The following GVQW3 variants were observed in gnomAD, a reference collection of about 807,000 sequenced individuals.
The protein encoded by GVQW3 is protein GVQW3.
Under a neutral mutation model 12.5 loss-of-function variants are expected in GVQW3, and 7 were observed. The observed-to-expected ratio is 0.56, with a 90% CI of 0.32 to 1.05. GVQW3 has a LOEUF of 1.05. Among genes scored for constraint, GVQW3 ranks in the 50% least tolerant of loss-of-function variants. GVQW3 has a pLI of 0.04. For missense variants in GVQW3, 188 were observed against 190.8 expected, an observed-to-expected ratio of 0.99 and a Z score of 0.09; for synonymous variants, 71 against 67.2, an observed-to-expected ratio of 1.06 and a Z score of -0.28.
intron 1 of GVQW3, among the ~76,000 whole-genome samples, chr11:76,391,356 A>G (rs1477575944): frequency 6.6e-6 from 1 of 152,226 alleles, no homozygotes; most frequent in Non-Finnish European, 1.5e-5. Context: ...AACAGACTAG[A>G]AGACCGAAAC....
chr11:76,395,602 G>A (rs891059314), intron 1 of GVQW3, among the ~76,000 whole-genome samples: 6 of 151,912 alleles, frequency 3.9e-5, no homozygotes, highest in African/African-American at 9.7e-5. Context: ...CTCTATTCTC[G>A]ATTTCTGTCT....
Position 76,382,142 on chromosome 11 carries a change from G to T in GVQW3, c.314G>T (p.Arg105Met). 1 of 1,536,328 alleles carries T rather than the reference G, an allele frequency of 6.5e-7. No individual in the cohort carries two copies. The highest frequency in any genetic ancestry group is 8.7e-7 in the Non-Finnish European group (1 of 1,146,948). Residue 105 changes from arginine (R) to methionine (M), a missense_variant, in exon 1 of 2, where the codon AGG (arginine) becomes ATG (methionine). Arg to Met is a moderately conservative substitution (Grantham distance 91). Coordinates refer to ENST00000529331, the MANE Select transcript of GVQW3 (RefSeq NM_001347885.2). Reference sequence around the variant, plus strand: ...TTAAATTTAGACAAAGAAACTGTTAGGCTCATTTTGAAAGAAAACTTGAAC... The same window carrying T: ...TTAAATTTAGACAAAGAAACTGTTATGCTCATTTTGAAAGAAAACTTGAAC... ...EELNLDKETV[R>M]LILKENLNMR...
chr11:76,414,079 T>C (rs2134575492), exon 2 of GVQW3: 1 of 152,236 alleles, frequency 6.6e-6, no homozygotes, highest in South Asian at 2.1e-4. Context: ...CAAACTTCTG[T>C]CTCTGCTTTA....
chr11:76,401,736 G>T (rs1179745069), intron 1 of GVQW3, among the ~76,000 whole-genome samples: 1 of 140,160 alleles, frequency 7.1e-6, no homozygotes, highest in African/African-American at 2.7e-5. Context: ...TTGCACCATT[G>T]CACTCCAGCC....
At chr11:76,385,957 C>T (rs1003455101) in intron 1 of GVQW3, among the ~76,000 whole-genome samples, 5 of 152,190 alleles carry the variant, frequency 3.3e-5, no homozygotes, top group Non-Finnish European at 7.3e-5. Flanking sequence ...TGTATTTTCC[C>T]TGGCAGGAGA....
At chr11:76,389,146 C>G (rs1048794791) in intron 1 of GVQW3, among the ~76,000 whole-genome samples, 1 of 152,126 alleles carries the variant, frequency 6.6e-6, no homozygotes, top group Non-Finnish European at 1.5e-5. Flanking sequence ...ATTTATGTTT[C>G]TGAAGAGTAT....
intron 1 of GVQW3, 157 bp downstream of exon 1, chr11:76,382,450 AC>A (rs1946786309): frequency 1.5e-6 from 1 of 678,128 alleles, no homozygotes; most frequent in African/African-American, 1.8e-5. Flanking sequence ...GAATTGGTTC[AC>A]CCCATGGTGA....
In GVQW3 at chr11:76,382,061, T is replaced by C; in HGVS notation, c.233T>C (p.Val78Ala). 1 of 1,536,562 alleles carries C rather than the reference T, an allele frequency of 6.5e-7. No homozygotes were observed. Among genetic ancestry groups the C allele is most frequent in the Non-Finnish European group, 8.7e-7 (1 of 1,147,002 alleles). Reference protein sequence around the residue: ...THRTDDNIQKVKDLVCSNRQL... With the variant: ...THRTDDNIQKAKDLVCSNRQL... The stretch of plus-strand genomic sequence containing the variant: ...CGAACAGATGACAATATCCAGAAGG[T>C]CAAGGACTTGGTTTGTTCAAACAGG... Residue 78 changes from valine (V) to alanine (A), a missense_variant, in exon 1 of 2, where the codon GTC becomes GCC. By Grantham distance (64) the Val-to-Ala change is moderately conservative. Transcript: ENST00000529331.
intron 1 of GVQW3, among the ~76,000 whole-genome samples, chr11:76,398,912 G>T (rs1053139834): frequency 6.6e-6 from 1 of 152,138 alleles, no homozygotes; most frequent in Non-Finnish European, 1.5e-5. Flanking sequence ...TCTGGTTTGA[G>T]ATTTATTTTT....
At position 76,404,438 on chromosome 11, in the gene GVQW3, T is replaced by C. The variant is rs995334112; in HGVS notation, c.*680T>C. ...GCCTTCTCTCCATTGTTAGCCTTGA[T>C]GGACAATTTTTGCTGGAGCAAATAT... On this transcript the variant is annotated 3_prime_UTR_variant, in exon 2 of 2. Transcript: ENST00000529331. 1.9e-5 allele frequency: 3 copies of C among 154,970 alleles called. No individual in the cohort carries two copies. Among genetic ancestry groups the C allele is most frequent in the African/African-American group, 7.2e-5 (3 of 41,608 alleles). 9.6% of individuals were successfully genotyped at this position (154,970 alleles called of 1,614,324 possible).
At chr11:76,386,445 C>G (rs1026936060) in intron 1 of GVQW3, among the ~76,000 whole-genome samples, 5 of 152,142 alleles carry the variant, frequency 3.3e-5, no homozygotes, top group African/African-American at 7.2e-5. Context: ...AGATGAATTT[C>G]TAGTCAAAGA....
intron 1 of GVQW3, among the ~76,000 whole-genome samples, chr11:76,399,411 G>A (rs1271002683): frequency 6.6e-6 from 1 of 152,146 alleles, no homozygotes; most frequent in East Asian, 1.9e-4. Context: ...CAAAGTGCTG[G>A]GATTACAGGC....
intron 1 of GVQW3, chr11:76,383,006 G>A (rs1329700621): frequency 6.5e-6 from 1 of 153,182 alleles, no homozygotes; most frequent in African/African-American, 2.4e-5. Flanking sequence ...AGGAATCAGG[G>A]GTTGGCCACC....
Position 76,381,537 on chromosome 11 carries a change from C to CGTATCA in GVQW3, c.-292_-291insGTATCA. On this transcript the variant is annotated 5_prime_UTR_variant, in exon 1 of 2. In the 5' UTR this introduces an upstream ATG that the reference lacks. Coordinates refer to ENST00000529331, the MANE Select transcript of GVQW3 (RefSeq NM_001347885.2). ...CGCGGAATCGGAGCGACCTTGGTGA[C>CGTATCA]TGGCAAACTCTCGGCAGATGTGCGT... The CGTATCA allele has an allele frequency of 3.1e-6, 1 of 325,662 alleles. No homozygotes were observed. The highest frequency in any genetic ancestry group is 5.6e-6 in the Non-Finnish European group (1 of 177,244). The allele number at this position is 325,662 out of a possible 1,614,324, so 20.2% of individuals were successfully genotyped here.
chr11:76,383,960 A>G (rs967266744), intron 1 of GVQW3, among the ~76,000 whole-genome samples: 1 of 152,202 alleles, frequency 6.6e-6, no homozygotes, highest in African/African-American at 2.4e-5. Flanking sequence ...ATAGGTTTGT[A>G]ACAACCAATT....
chr11:76,396,676 G>A (rs564883341), intron 1 of GVQW3, among the ~76,000 whole-genome samples: 6 of 152,150 alleles, frequency 3.9e-5, no homozygotes, highest in East Asian at 3.9e-4. Context: ...TACCGGCTTC[G>A]TTGCCTATCT....
At chr11:76,402,121 C>A (rs1946995441) in intron 1 of GVQW3, among the ~76,000 whole-genome samples, 1 of 152,172 alleles carries the variant, frequency 6.6e-6, no homozygotes, top group Admixed American at 6.6e-5. Context: ...AGCCCACAGC[C>A]CTCAGGATCT....
chr11:76,395,017 G>A (rs1457027439), intron 1 of GVQW3: 1 of 152,040 alleles, frequency 6.6e-6, no homozygotes, highest in East Asian at 1.9e-4. Context: ...TAAAAGCCAA[G>A]CCCACATCTG....
At position 76,387,613 on chromosome 11, in the gene GVQW3, C is replaced by G. The variant is rs1038100630; in HGVS notation, c.465+5320C>G. On this transcript the variant is annotated intron_variant, in intron 1 of 1. Transcript: ENST00000529331. ...TAATGCCACATTGATCTGGCAGTGT[C>G]TGACAATTTATTTGTGGAAATTGTG... 6.6e-5 allele frequency among the ~76,000 whole-genome samples: 10 copies of G among 151,678 alleles called. No individual in the cohort carries two copies. In the South Asian group the frequency reaches 2.1e-3, roughly 32 times the overall value.
Sources: gnomAD v4.1 joint callset for allele counts (sites outside exome capture counted in the v4.1 genomes callset) on GRCh38, gnomAD v4.1.1 for gene constraint, MANE v1.5 for transcripts, NCBI Gene and HGNC (gene_info 2026-07-23, HGNC 2026-07-21) for gene names.